The following SGCZ variants were observed in gnomAD, a reference collection of about 807,000 sequenced individuals.
The protein encoded by SGCZ is sarcoglycan zeta, also known as zeta-sarcoglycan.
A neutral mutation model predicts 41.3 loss-of-function variants in SGCZ; 40 were observed. The observed-to-expected ratio is 0.97, with a 90% CI of 0.75 to 1.26. SGCZ has a LOEUF of 1.26. Ranked by LOEUF, SGCZ falls within the 50% of genes most tolerant of loss-of-function variation. SGCZ has a pLI of 0.00. For missense variants in SGCZ, 552 were observed against 369.8 expected (o/e 1.49, Z -4.04); for synonymous variants, 206 against 137.5 (o/e 1.50, Z -3.49).
At chr8:14,741,349 T>C (rs916285012) in intron 1 of SGCZ, among the ~76,000 whole-genome samples, 4 of 152,104 alleles carry the variant, frequency 2.6e-5, no homozygotes, top group Non-Finnish European at 4.4e-5. Context: ...TGTGTTTGCA[T>C]TTACAGTAGA....
chr8:14,217,571 CATG>C (rs71209022), intron 4 of SGCZ, among the ~76,000 whole-genome samples: 35,295 of 148,722 alleles, frequency 0.24, 5,375 homozygotes, highest in Non-Finnish European at 0.34. Flanking sequence ...AAAAAAAGCA[CATG>C]ATGATTTTGA....
intron 5 of SGCZ, among the ~76,000 whole-genome samples, chr8:14,133,170 G>T (rs939675657): frequency 6.6e-6 from 1 of 152,170 alleles, no homozygotes; most frequent in Non-Finnish European, 1.5e-5. Context: ...CAGTTCTTTT[G>T]TGAACATGTA....
intron 2 of SGCZ, among the ~76,000 whole-genome samples, chr8:14,345,367 T>A (rs967397504): frequency 6.6e-6 from 1 of 152,120 alleles, no homozygotes; most frequent in African/African-American, 2.4e-5. Flanking sequence ...GATCTACTTA[T>A]GCTAAATTCT....
chr8:14,490,643 A>G lies in SGCZ; in HGVS notation c.234+64089T>C, dbSNP rs533328751. Among the ~76,000 whole-genome samples, 178 of 152,336 alleles carry G rather than the reference A, an allele frequency of 1.2e-3. 6 individuals are homozygous for G. The South Asian group carries it at 0.037, about 31-fold the overall frequency. ...GATTTGATCATCCAACCAATCATTTATTGAGTGTCCATTACAAGTCAAATT... is the reference window on the plus strand; with the variant it reads ...GATTTGATCATCCAACCAATCATTTGTTGAGTGTCCATTACAAGTCAAATT... On this transcript the variant is annotated intron_variant, in intron 2 of 7. Transcript: ENST00000382080.
At chr8:14,550,838 G>A (rs971851915) in intron 2 of SGCZ, among the ~76,000 whole-genome samples, 20 of 151,694 alleles carry the variant, frequency 1.3e-4, no homozygotes, top group East Asian at 3.9e-4. Flanking sequence ...AGAAAATATC[G>A]TAAAATGATC....
intron 2 of SGCZ, among the ~76,000 whole-genome samples, chr8:14,541,888 T>G (rs1413275697): frequency 6.6e-6 from 1 of 152,210 alleles, no homozygotes; most frequent in Non-Finnish European, 1.5e-5. Flanking sequence ...CCAGTGATGA[T>G]GAGCTTTTTT....
chr8:14,847,132 G>GA (rs1554510869), intron 1 of SGCZ, among the ~76,000 whole-genome samples: 7 of 92,646 alleles, frequency 7.6e-5, no homozygotes, highest in South Asian at 3.2e-4. Context: ...GAAGAAAGAA[G>GA]AAGAAGAAGA....
chr8:14,922,298 G>A (rs990668173), intron 1 of SGCZ, among the ~76,000 whole-genome samples: 29 of 151,802 alleles, frequency 1.9e-4, no homozygotes, highest in Non-Finnish European at 3.1e-4. Context: ...TGATACTGAA[G>A]GATTAAAGAC....
intron 1 of SGCZ, among the ~76,000 whole-genome samples, chr8:15,072,016 G>A (rs889943854): frequency 2.0e-5 from 3 of 152,044 alleles, no homozygotes; most frequent in African/African-American, 7.2e-5. Flanking sequence ...CTACTGCCTT[G>A]CATTGGCCCC....
chr8:14,254,549 C>G (rs960110765), intron 3 of SGCZ, among the ~76,000 whole-genome samples: 3 of 152,132 alleles, frequency 2.0e-5, no homozygotes, highest in Non-Finnish European at 4.4e-5. Flanking sequence ...AAAATTGAAT[C>G]CAGCTTTTAG....
chr8:15,176,928 G>A (rs1333653641), intron 1 of SGCZ, among the ~76,000 whole-genome samples: 1 of 152,154 alleles, frequency 6.6e-6, no homozygotes, highest in African/African-American at 2.4e-5. Context: ...GTGAACCCAG[G>A]AGGCAGAGCT....
At chr8:14,566,299 C>T (rs1350867422) in intron 1 of SGCZ, among the ~76,000 whole-genome samples, 2 of 152,114 alleles carry the variant, frequency 1.3e-5, no homozygotes, top group Non-Finnish European at 2.9e-5. Flanking sequence ...AAGGTAGAGG[C>T]AGACAGGAAA....
rs112090447 is a variant in SGCZ at position 14,980,769 on chromosome 8, G to T, written c.39+256816C>A. Among the ~76,000 whole-genome samples the T allele has an allele frequency of 3.5e-3, 529 of 152,186 alleles. 3 individuals are homozygous for T. The highest frequency in any genetic ancestry group is 0.012 in the African/African-American group (500 of 41,508). On this transcript the variant is annotated intron_variant, in intron 1 of 7. Coordinates refer to ENST00000382080, the MANE Select transcript of SGCZ (RefSeq NM_139167.4). Reference sequence around the variant, plus strand: ...CACTGGGTCCCTCCCCACAACATGTGAGGATTATGGAAGTACAATTCAAGA... The same window carrying T: ...CACTGGGTCCCTCCCCACAACATGTTAGGATTATGGAAGTACAATTCAAGA...
chr8:14,312,829 A>C (rs117788357), intron 3 of SGCZ, among the ~76,000 whole-genome samples: 488 of 152,340 alleles, frequency 3.2e-3, no homozygotes, highest in Admixed American at 7.1e-3. Flanking sequence ...TTATAGAGTC[A>C]AAATACCAAT....
intron 4 of SGCZ, among the ~76,000 whole-genome samples, chr8:14,220,244 T>G (rs866483045): frequency 1.3e-5 from 2 of 152,182 alleles, no homozygotes; most frequent in African/African-American, 4.8e-5. Flanking sequence ...TAAATTGTAG[T>G]GTATTTATGA....
chr8:14,405,533 T>C (rs1002543506), intron 2 of SGCZ, among the ~76,000 whole-genome samples: 1 of 152,212 alleles, frequency 6.6e-6, no homozygotes, highest in African/African-American at 2.4e-5. Context: ...GCAGACCAAT[T>C]TGCATTTAAT....
chr8:14,845,019 A>G (rs919533380), intron 1 of SGCZ, among the ~76,000 whole-genome samples: 2 of 152,156 alleles, frequency 1.3e-5, no homozygotes, highest in African/African-American at 4.8e-5. Context: ...TACAAGATAG[A>G]CTTCAGAAGA....
intron 3 of SGCZ, among the ~76,000 whole-genome samples, chr8:14,264,870 G>C (rs888383851): frequency 2.0e-5 from 3 of 152,186 alleles, no homozygotes; most frequent in African/African-American, 7.2e-5. Context: ...GGCTGAGGCA[G>C]GAGAATGGCG....
chr8:14,180,924 G>A (rs1187511463), intron 4 of SGCZ, among the ~76,000 whole-genome samples: 1 of 151,802 alleles, frequency 6.6e-6, no homozygotes, highest in African/African-American at 2.4e-5. Context: ...AAGGGAGGTG[G>A]TTCCAGCTAT....
Sources: allele counts gnomAD v4.1 joint callset (sites outside exome capture counted in the v4.1 genomes callset), GRCh38; gene constraint gnomAD v4.1.1; transcripts MANE v1.5; gene names NCBI Gene and HGNC (gene_info 2026-07-23, HGNC 2026-07-21).